EBF2: variants seen among roughly 807,000 people sequenced by gnomAD.
The protein encoded by EBF2 is transcription factor COE2.
EBF2 carries 21 observed loss-of-function variants against 72.8 expected under a neutral mutation model. The observed-to-expected ratio is 0.29, with a 90% CI of 0.20 to 0.42. The LOEUF (loss-of-function observed/expected upper bound fraction) is 0.42, where lower values mean the gene tolerates loss of function less well. EBF2 is among the 10% of genes least tolerant of loss of function. The pLI is 1.00. For synonymous variants in EBF2, 299 were observed against 274.2 expected (o/e 1.09, Z -0.89); for missense variants, 637 against 731.2 (o/e 0.87, Z 1.49).
At chr8:25,906,711 G>A (rs955595521) in intron 7 of EBF2, among the ~76,000 whole-genome samples, 5 of 152,050 alleles carry the variant, frequency 3.3e-5, no homozygotes, top group Admixed American at 2.6e-4. Flanking sequence ...AGGTTGCAGT[G>A]AGCCAAGATC....
At chr8:25,963,570 T>G (rs1804070552) in intron 6 of EBF2, among the ~76,000 whole-genome samples, 1 of 152,130 alleles carries the variant, frequency 6.6e-6, no homozygotes, top group South Asian at 2.1e-4. Context: ...TTAAACAAAA[T>G]GAGGGTCTCA....
chr8:26,040,019 G>T lies in EBF2; in HGVS notation c.482+9C>A. ...TCTCCAGGAAGGCCTGGGAAAAGGC[G>T]GCTCTTACCTACACATCACTTCGTG... On this transcript the variant is annotated intron_variant, in intron 5 of 15. Transcript: ENST00000520164. 1 of 1,613,100 alleles carries T rather than the reference G, an allele frequency of 6.2e-7. No individual in the cohort carries two copies. Among genetic ancestry groups the T allele is most frequent in the Non-Finnish European group, 8.5e-7 (1 of 1,179,266 alleles).
intron 6 of EBF2, 28 bp downstream of exon 6, chr8:26,033,057 T>C (rs371834853): frequency 2.5e-6 from 4 of 1,607,498 alleles, no homozygotes; most frequent in African/African-American, 2.7e-5. Flanking sequence ...GAACCAAAAA[T>C]GATTGAAAAA....
At chr8:25,852,850 AAAC>A (rs1289191490) in intron 14 of EBF2, among the ~76,000 whole-genome samples, 9 of 151,546 alleles carry the variant, frequency 5.9e-5, no homozygotes, top group African/African-American at 2.2e-4. Context: ...CTGTTTCATA[AAAC>A]AACACCGTAA....
chr8:25,974,804 A>AT (rs2117192717), intron 6 of EBF2, among the ~76,000 whole-genome samples: 1 of 151,806 alleles, frequency 6.6e-6, no homozygotes, highest in East Asian at 1.9e-4. Flanking sequence ...CATTTTTCTG[A>AT]CATCCTGTGC....
chr8:26,028,460 A>T (rs1471362594), intron 6 of EBF2, among the ~76,000 whole-genome samples: 1 of 152,200 alleles, frequency 6.6e-6, no homozygotes. Context: ...CGAAGATTCA[A>T]AATAAATTAT....
chr8:25,946,505 T>C (rs1180583649), intron 6 of EBF2, among the ~76,000 whole-genome samples: 1 of 152,232 alleles, frequency 6.6e-6, no homozygotes, highest in East Asian at 1.9e-4. Flanking sequence ...GGAAAATATG[T>C]ATTCTTCTGG....
chr8:25,946,964 C>A (rs1200919108), intron 6 of EBF2, among the ~76,000 whole-genome samples: 1 of 152,192 alleles, frequency 6.6e-6, no homozygotes, highest in African/African-American at 2.4e-5. Flanking sequence ...ACTTATTTAA[C>A]AAATATCCCT....
intron 6 of EBF2, among the ~76,000 whole-genome samples, chr8:25,942,153 C>G (rs1407954680): frequency 6.6e-6 from 1 of 152,222 alleles, no homozygotes; most frequent in East Asian, 1.9e-4. Context: ...GGGGGAAGCA[C>G]AAGCCCCATC....
chr8:25,890,225 A>G (rs1802755748), intron 7 of EBF2, among the ~76,000 whole-genome samples: 1 of 152,164 alleles, frequency 6.6e-6, no homozygotes, highest in African/African-American at 2.4e-5. Context: ...GCCATGTGGA[A>G]GCTGAGATCT....
Position 25,930,525 on chromosome 8 carries a change from GATTA to G in EBF2, c.552-21974_552-21971del, listed in dbSNP as rs562096235. On this transcript the variant is annotated intron_variant, in intron 6 of 15. Coordinates refer to ENST00000520164, the MANE Select transcript of EBF2 (RefSeq NM_022659.4). ...TTAAAATCTTGTTGATTGATCGACT[GATTA>G]ATTAACTCCAGCCAGCTTCCTTAAA... Among the ~76,000 whole-genome samples the G allele has an allele frequency of 1.4e-3, 220 of 152,266 alleles. 1 individual carries two copies. The highest frequency in any genetic ancestry group is 3.5e-3 in the Admixed American group (53 of 15,294).
intron 6 of EBF2, among the ~76,000 whole-genome samples, chr8:25,928,198 G>A (rs1193314929): frequency 6.6e-6 from 1 of 152,094 alleles, no homozygotes; most frequent in Non-Finnish European, 1.5e-5. Context: ...CAGCTAGTGT[G>A]GATTCCTGAG....
chr8:25,938,576 G>A (rs1001118574), intron 6 of EBF2, among the ~76,000 whole-genome samples: 1 of 152,110 alleles, frequency 6.6e-6, no homozygotes, highest in Non-Finnish European at 1.5e-5. Context: ...ATCATGATAA[G>A]ATTTTCTTTG....
chr8:26,039,796 C>T lies in EBF2; in HGVS notation c.482+232G>A, dbSNP rs567698076. On this transcript the variant is annotated intron_variant, in intron 5 of 15. Transcript: ENST00000520164. Reference sequence around the variant, plus strand: ...CTTTCCACGTAGCCGGAGGAAACTCCTGCGACATCAGAGAGGTGGAATCCC... The same window carrying T: ...CTTTCCACGTAGCCGGAGGAAACTCTTGCGACATCAGAGAGGTGGAATCCC... Among the ~76,000 whole-genome samples, 38 of 152,356 alleles carry T rather than the reference C, an allele frequency of 2.5e-4. No individual in the cohort carries two copies. In the East Asian group the frequency reaches 7.1e-3, roughly 29 times the overall value.
rs145216619 is a variant in EBF2 at position 26,025,627 on chromosome 8, T to G, written c.551+7458A>C. The stretch of plus-strand genomic sequence containing the variant: ...AGAGTCATTTTCTCGAACAAAATTT[T>G]GTTTCTTTTTTACCACTTGGCTCCA... On this transcript the variant is annotated intron_variant, in intron 6 of 15. Coordinates refer to ENST00000520164, the MANE Select transcript of EBF2 (RefSeq NM_022659.4). 3.9e-5 allele frequency among the ~76,000 whole-genome samples: 6 copies of G among 152,284 alleles called. No individual in the cohort carries two copies. The East Asian group carries it at 1.2e-3, about 29-fold the overall frequency.
intron 6 of EBF2, among the ~76,000 whole-genome samples, chr8:26,008,420 A>G (rs1035050718): frequency 2.0e-5 from 3 of 152,198 alleles, no homozygotes; most frequent in African/African-American, 7.2e-5. Flanking sequence ...TGCCCATTAA[A>G]TAAATGTTTA....
rs867450628 is a variant in EBF2 at position 26,044,927 on chromosome 8, A to C, written c.-68T>G. The C allele has an allele frequency of 2.0e-6, 3 of 1,534,302 alleles. No individual in the cohort carries two copies. Among genetic ancestry groups the C allele is most frequent in the Middle Eastern group, 1.8e-4 (1 of 5,684 alleles). On this transcript the variant is annotated 5_prime_UTR_variant, in exon 1 of 16. Transcript: ENST00000520164. The surrounding 1 kb of genome is among the most constrained non-coding windows in gnomAD (Gnocchi z 4.1). ...TACAACACAGTCCTGACTGTTCCCA[A>C]CGTTGCCAGCAAATCGTCTCCTCCA...
intron 6 of EBF2, among the ~76,000 whole-genome samples, chr8:25,973,119 C>T (rs527983445): frequency 6.6e-6 from 1 of 152,182 alleles, no homozygotes; most frequent in South Asian, 2.1e-4. Context: ...GGGTATGGAA[C>T]ACAATTAGGT....
chr8:25,910,619 A>G (rs561755787), intron 6 of EBF2, among the ~76,000 whole-genome samples: 2 of 152,358 alleles, frequency 1.3e-5, no homozygotes, highest in South Asian at 2.1e-4. Flanking sequence ...CATAAAATCA[A>G]ATTGATTTAG....
Sources: allele counts gnomAD v4.1 joint callset (sites outside exome capture counted in the v4.1 genomes callset), GRCh38; gene constraint gnomAD v4.1.1; non-coding constraint Gnocchi (gnomAD v3.1); transcripts MANE v1.5; gene names NCBI Gene and HGNC (gene_info 2026-07-23, HGNC 2026-07-21).